Variants in RIMBP2 observed in about 807,000 individuals in gnomAD.
The protein encoded by RIMBP2 is RIMS-binding protein 2.
Under a neutral mutation model 118.6 loss-of-function variants are expected in RIMBP2, and 48 were observed. That is an observed-to-expected ratio of 0.40 (90% CI 0.32 to 0.51). The LOEUF is 0.51. RIMBP2 is among the 20% of genes least tolerant of loss of function. The pLI is 0.41. For synonymous variants in RIMBP2, 762 were observed against 742.9 expected, an observed-to-expected ratio of 1.03 and a Z score of -0.42; for missense variants, 1,551 against 1,768.3, an observed-to-expected ratio of 0.88 and a Z score of 2.20.
In RIMBP2 at chr12:130,701,580, G is replaced by A. The variant is rs192628127; in HGVS notation, c.-352+14642C>T. ...AACATGGGGTGAAAAGTACCTTGCT[G>A]GGCACGTTGTAGGGGAAGGTGTCTG... On this transcript the variant is annotated intron_variant, in intron 1 of 22. Coordinates refer to ENST00000690449, the MANE Select transcript of RIMBP2 (RefSeq NM_001393629.1). Among the ~76,000 whole-genome samples, 5 of 152,230 alleles carry A rather than the reference G, an allele frequency of 3.3e-5. No homozygotes were observed. In the East Asian group the frequency reaches 9.7e-4, roughly 29 times the overall value.
chr12:130,416,849 A>G (rs2076127836), intron 17 of RIMBP2, among the ~76,000 whole-genome samples: 2 of 152,242 alleles, frequency 1.3e-5, no homozygotes, highest in South Asian at 4.1e-4. Context: ...GGAATCTGCA[A>G]GGAACTTAAA....
rs1332812364 is a variant in RIMBP2 at position 130,551,524 on chromosome 12, A to T, written c.-216-33607T>A. On this transcript the variant is annotated intron_variant, in intron 2 of 22. Coordinates refer to ENST00000690449, the MANE Select transcript of RIMBP2 (RefSeq NM_001393629.1). Reference sequence around the variant, plus strand: ...AAAATATAGAATGCAAATCATGATAATTTTCTTCTTTGCCTGTTCTTAGAT... The same window carrying T: ...AAAATATAGAATGCAAATCATGATATTTTTCTTCTTTGCCTGTTCTTAGAT... Among the ~76,000 whole-genome samples the T allele has an allele frequency of 2.0e-5, 3 of 150,662 alleles. No individual in the cohort carries two copies. The East Asian group carries it at 5.9e-4, about 29-fold the overall frequency.
chr12:130,696,133 A>G (rs945094535), intron 1 of RIMBP2, among the ~76,000 whole-genome samples: 5 of 152,200 alleles, frequency 3.3e-5, no homozygotes, highest in Admixed American at 3.3e-4. Flanking sequence ...CCTGCCCTCC[A>G]TGCTCACGTC....
chr12:130,625,022 G>A lies in RIMBP2; in HGVS notation c.-217+3300C>T, dbSNP rs2029265. On this transcript the variant is annotated intron_variant, in intron 2 of 22. Transcript: ENST00000690449. ...ACAGGCATGAGCCACCACGCCAGCC[G>A]ACCTATCTGGGTGTCTTAAATTGAT... Among the ~76,000 whole-genome samples the A allele has an allele frequency of 7.9e-3, 1,208 of 152,278 alleles. 10 individuals carry two copies. The highest frequency in any genetic ancestry group is 0.029 in the South Asian group (141 of 4,830).
chr12:130,438,691 C>A (rs887042293), intron 11 of RIMBP2, among the ~76,000 whole-genome samples, 175 bp from the exon 12 acceptor site: 1 of 152,128 alleles, frequency 6.6e-6, no homozygotes, highest in African/African-American at 2.4e-5. Flanking sequence ...GAGGGTGGGG[C>A]CGGGGTACAG....
chr12:130,613,498 A>G (rs1372875059), intron 2 of RIMBP2, among the ~76,000 whole-genome samples: 1 of 152,176 alleles, frequency 6.6e-6, no homozygotes, highest in African/African-American at 2.4e-5. Context: ...AACGCCCAGC[A>G]CAGACTTCTT....
chr12:130,538,467 T>C (rs1210436442), intron 2 of RIMBP2, among the ~76,000 whole-genome samples: 1 of 151,804 alleles, frequency 6.6e-6, no homozygotes, highest in Non-Finnish European at 1.5e-5. Flanking sequence ...ACACAGAGAA[T>C]CCCCGAATCC....
Position 130,431,275 on chromosome 12 carries a change from T to C in RIMBP2, c.2254-2938A>G, listed in dbSNP as rs536852316. 3.1e-3 allele frequency among the ~76,000 whole-genome samples: 476 copies of C among 152,144 alleles called. No individual in the cohort carries two copies. The highest frequency in any genetic ancestry group is 5.8e-3 in the Non-Finnish European group (394 of 68,002). ...TCCACCCACTAGAACATCGGTGTCT[T>C]GGAGCAGATGGGATAGCGCCAGGGG... On this transcript the variant is annotated intron_variant, in intron 14 of 22. Coordinates refer to ENST00000690449, the MANE Select transcript of RIMBP2 (RefSeq NM_001393629.1). This position sits in a 1 kb window ranked among gnomAD's most constrained non-coding sequence, Gnocchi z 4.0.
chr12:130,630,338 T>TA (rs1031959825), intron 1 of RIMBP2, among the ~76,000 whole-genome samples: 1 of 151,466 alleles, frequency 6.6e-6, no homozygotes, highest in Middle Eastern at 3.4e-3. Flanking sequence ...AAAATTAATA[T>TA]AAAAAATATA....
intron 6 of RIMBP2, among the ~76,000 whole-genome samples, chr12:130,458,192 T>G (rs757422322): frequency 1.3e-5 from 2 of 152,022 alleles, no homozygotes; most frequent in Non-Finnish European, 2.9e-5. Context: ...AGATCATGGA[T>G]TTCTAAAATA....
At chr12:130,471,084 T>A (rs185710810) in intron 5 of RIMBP2, among the ~76,000 whole-genome samples, 1 of 152,108 alleles carries the variant, frequency 6.6e-6, no homozygotes, top group African/African-American at 2.4e-5. Context: ...CAAAACCTAA[T>A]CCTGCAGACT....
chr12:130,658,595 GAA>G (rs2063524385), intron 1 of RIMBP2: 1 of 152,226 alleles, frequency 6.6e-6, no homozygotes, highest in Non-Finnish European at 1.5e-5. Flanking sequence ...TGCTTGGTCT[GAA>G]AGCTAAACTG....
chr12:130,465,574 T>G (rs4759691), intron 6 of RIMBP2: 39,817 of 152,238 alleles, frequency 0.26, 6,444 homozygotes, highest in Non-Finnish European at 0.35. Flanking sequence ...GCCCTGGCAC[T>G]TGGGAGCTGT....
At chr12:130,453,786 G>T (rs1566066389) in intron 7 of RIMBP2, among the ~76,000 whole-genome samples, 1 of 152,192 alleles carries the variant, frequency 6.6e-6, no homozygotes, top group East Asian at 1.9e-4. Context: ...CAAGGCGGTG[G>T]CTCACACCTG....
Position 130,434,115 on chromosome 12 carries a change from GC to G in RIMBP2, c.2253+618del, listed in dbSNP as rs1202744763. Among the ~76,000 whole-genome samples the G allele has an allele frequency of 3.3e-5, 5 of 152,174 alleles. No individual in the cohort carries two copies. Among genetic ancestry groups the G allele is most frequent in the Admixed American group, 3.3e-4 (5 of 15,278 alleles). ...GAGGATACTGTGTGATCTGATAACT[GC>G]AGCGTCTTCGAGCTCCCACTATTTA... is the stretch of plus-strand genomic sequence containing the variant. On this transcript the variant is annotated intron_variant, in intron 14 of 22. Coordinates refer to ENST00000690449, the MANE Select transcript of RIMBP2 (RefSeq NM_001393629.1). The surrounding 1 kb of genome is among the most constrained non-coding windows in gnomAD (Gnocchi z 5.7).
At chr12:130,594,855 A>G (rs1343357351) in intron 2 of RIMBP2, among the ~76,000 whole-genome samples, 1 of 152,194 alleles carries the variant, frequency 6.6e-6, no homozygotes, top group Non-Finnish European at 1.5e-5. Context: ...ATCATCTTCC[A>G]TCTCAATTTG....
At chr12:130,532,142 C>G (rs1159118724) in intron 2 of RIMBP2, among the ~76,000 whole-genome samples, 2 of 150,074 alleles carry the variant, frequency 1.3e-5, no homozygotes, top group Non-Finnish European at 1.5e-5. Flanking sequence ...CTAGGAGTTA[C>G]GTCTAATGAG....
In RIMBP2 at chr12:130,436,859, C is replaced by T. The variant is rs2077557361; in HGVS notation, c.2089G>A (p.Val697Met). ...AGCCTTACCCTGCTGCTCTCGGCCACCCTCTGCGCGGCCTCCCGGGCCATG... is the reference window on the plus strand; with the variant it reads ...AGCCTTACCCTGCTGCTCTCGGCCATCCTCTGCGCGGCCTCCCGGGCCATG... ...KAMAREAAQR[V>M]AESSRLEKRS... Residue 697 changes from valine (V) to methionine (M), a missense_variant, in exon 13 of 23, where the codon GTG becomes ATG. Around this residue, in one of 5 missense-constraint regions of RIMBP2, gnomAD observed 1,038 missense variants for 1,125.1 expected, o/e 0.92. Coordinates refer to ENST00000690449, the MANE Select transcript of RIMBP2 (RefSeq NM_001393629.1). 1.3e-6 allele frequency: 2 copies of T among 1,499,026 alleles called. No individual in the cohort carries two copies. The highest frequency in any genetic ancestry group is 1.4e-5 in the African/African-American group (1 of 70,874). 92.9% of individuals were successfully genotyped at this position (1,499,026 alleles called of 1,614,324 possible). A position where few individuals can be genotyped will look rare whatever the true frequency, so the allele number is the denominator to read the frequency against.
rs2076294764 is a variant in RIMBP2, at chr12:130,419,541, T to A, written c.3238+2912A>T. On this transcript the variant is annotated intron_variant, in intron 17 of 22. Transcript: ENST00000690449. The surrounding 1 kb of genome is among the most constrained non-coding windows in gnomAD (Gnocchi z 4.3). ...AAACAGAGTTGACAGCTTTTGATTT[T>A]TTTTATTGCAGGGAAACCTGAAGAA... 6.6e-6 allele frequency: 1 copy of A among 152,262 alleles called. No individual in the cohort carries two copies. The highest frequency in any genetic ancestry group is 2.1e-4 in the South Asian group (1 of 4,830). 9.4% of individuals were successfully genotyped at this position (152,262 alleles called of 1,614,324 possible).
Sources: gnomAD v4.1 joint callset for allele counts (sites outside exome capture counted in the v4.1 genomes callset) on GRCh38, gnomAD v4.1.1 for gene constraint, gnomAD v4.1.1 regional missense constraint, Gnocchi (gnomAD v3.1) non-coding constraint, MANE v1.5 for transcripts, NCBI Gene and HGNC (gene_info 2026-07-23, HGNC 2026-07-21) for gene names.